The following KATNIP variants were observed in gnomAD, a reference collection of about 807,000 sequenced individuals.
KATNIP encodes the protein katanin interacting protein.
KATNIP carries 126 observed loss-of-function variants against 174.0 expected under a neutral mutation model. The ratio of observed to expected loss-of-function variants is 0.72; its 90% CI spans 0.63 to 0.84. KATNIP has a LOEUF of 0.84. Ranked by LOEUF, KATNIP falls within the 40% of genes least tolerant of loss-of-function variation. The probability of loss-of-function intolerance (pLI) is 0.00; values close to 1 mark genes in which losing one functional copy is unlikely to be tolerated. For synonymous variants in KATNIP, 810 were observed against 835.7 expected, an observed-to-expected ratio of 0.97 and a Z score of 0.53; for missense variants, 1,958 against 2,109.7, an observed-to-expected ratio of 0.93 and a Z score of 1.41.
intron 2 of KATNIP, among the ~76,000 whole-genome samples, chr16:27,610,195 G>C (rs1365659630): frequency 6.6e-6 from 1 of 152,172 alleles, no homozygotes; most frequent in Non-Finnish European, 1.5e-5. Context: ...GGCCCCCCAG[G>C]TGGCAGCAGG....
chr16:27,748,110 G>A (rs1212778393), intron 15 of KATNIP, among the ~76,000 whole-genome samples: 1 of 152,228 alleles, frequency 6.6e-6, no homozygotes, highest in Admixed American at 6.5e-5. Flanking sequence ...CCATGGCGTG[G>A]CTGTGAGAAC....
intron 3 of KATNIP, among the ~76,000 whole-genome samples, chr16:27,623,475 T>C (rs937818588): frequency 3.3e-5 from 5 of 152,138 alleles, no homozygotes. Flanking sequence ...GATTGATTGA[T>C]TGAGATGGGG....
chr16:27,665,126 GTT>G (rs747868707), intron 6 of KATNIP, among the ~76,000 whole-genome samples: 23 of 138,204 alleles, frequency 1.7e-4, no homozygotes, highest in African/African-American at 4.0e-4. Context: ...TCCGGAGGTT[GTT>G]TTTTTTTTTT....
At chr16:27,742,635 C>T (rs996834048) in intron 15 of KATNIP, among the ~76,000 whole-genome samples, 2 of 152,182 alleles carry the variant, frequency 1.3e-5, no homozygotes, top group African/African-American at 2.4e-5. Context: ...CTGTTTCCTC[C>T]TCTGTAAAAT....
At position 27,780,219 on chromosome 16, in the gene KATNIP, A is replaced by G. The variant is rs536801338; in HGVS notation, c.*1590A>G. The G allele has an allele frequency of 2.0e-5, 3 of 152,278 alleles. No individual in the cohort carries two copies. Among genetic ancestry groups the G allele is most frequent in the Admixed American group, 2.0e-4 (3 of 15,302 alleles). The allele number at this position is 152,278 out of a possible 1,614,324, so 9.4% of individuals were successfully genotyped here. Reference sequence around the variant, plus strand: ...AGGGAGATGGCACTAACACGACACAAGCTCACTCCCAGAACCGCAGCTGAT... The same window carrying G: ...AGGGAGATGGCACTAACACGACACAGGCTCACTCCCAGAACCGCAGCTGAT... On this transcript the variant is annotated 3_prime_UTR_variant, in exon 28 of 28. Coordinates refer to ENST00000261588, the MANE Select transcript of KATNIP (RefSeq NM_015202.5).
intron 14 of KATNIP, among the ~76,000 whole-genome samples, chr16:27,724,756 T>A (rs764487690): frequency 3.0e-4 from 45 of 152,182 alleles, no homozygotes; most frequent in Non-Finnish European, 5.3e-4. Context: ...TTACTGTGTG[T>A]TTTAGAGGAG....
chr16:27,761,976 AG>A (rs757298364), intron 19 of KATNIP, among the ~76,000 whole-genome samples: 20 of 152,310 alleles, frequency 1.3e-4, no homozygotes, highest in African/African-American at 4.3e-4. Context: ...GGGGGCTGAA[AG>A]CTCCCTCTCC....
chr16:27,589,742 C>T (rs1166987346), intron 2 of KATNIP, among the ~76,000 whole-genome samples: 1 of 152,048 alleles, frequency 6.6e-6, no homozygotes, highest in East Asian at 1.9e-4. Context: ...TGTATCTATT[C>T]TGCCCTTCAG....
chr16:27,628,375 G>A (rs367904387), intron 3 of KATNIP, among the ~76,000 whole-genome samples: 3 of 152,214 alleles, frequency 2.0e-5, no homozygotes, highest in Admixed American at 2.0e-4. Flanking sequence ...TGGCCAGCAC[G>A]GGGCATGAAC....
At chr16:27,665,333 G>A (rs1183102136) in intron 6 of KATNIP, among the ~76,000 whole-genome samples, 1 of 151,876 alleles carries the variant, frequency 6.6e-6, no homozygotes, top group Non-Finnish European at 1.5e-5. Flanking sequence ...TCGAACTCCT[G>A]ACCTCAAACG....
At chr16:27,656,605 A>G (rs1252188993) in intron 6 of KATNIP, among the ~76,000 whole-genome samples, 3 of 151,228 alleles carry the variant, frequency 2.0e-5, no homozygotes, top group African/African-American at 7.3e-5. Context: ...AATACTATGC[A>G]GCCATAAAAA....
At position 27,740,452 on chromosome 16, in the gene KATNIP, C is replaced by G. The variant is rs752262503; in HGVS notation, c.2155C>G (p.Pro719Ala). 1.9e-6 allele frequency: 3 copies of G among 1,614,140 alleles called. No individual in the cohort carries two copies. Among genetic ancestry groups the G allele is most frequent in the South Asian group, 2.2e-5 (2 of 91,088 alleles). Residue 719 changes from proline to alanine, a missense_variant, in exon 15 of 28, where the codon CCA (proline) becomes GCA (alanine). Around this residue, in one of 3 missense-constraint regions of KATNIP, gnomAD observed 1,557 missense variants for 1,617.8 expected, o/e 0.96. Coordinates refer to ENST00000261588, the MANE Select transcript of KATNIP (RefSeq NM_015202.5). ...CATGCCCAGTGCTCCTGCCACTTCC[C>G]CACCTGTGAAGTGCCCTCCTGTCCA... Reference protein sequence around the residue: ...GDMPSAPATSPPVKCPPVHEE... With the variant: ...GDMPSAPATSAPVKCPPVHEE...
At chr16:27,753,994 G>T (rs536638276) in intron 17 of KATNIP, among the ~76,000 whole-genome samples, 179 bp from the exon 18 acceptor site, 3 of 152,130 alleles carry the variant, frequency 2.0e-5, no homozygotes, top group African/African-American at 4.8e-5. Flanking sequence ...GGAGGGTCAG[G>T]GTCCGCCCAT....
rs145769246 is a variant in KATNIP at position 27,720,079 on chromosome 16, C to T, written c.1606-1479C>T. 9.5e-3 allele frequency among the ~76,000 whole-genome samples: 1,453 copies of T among 152,206 alleles called. 13 individuals carry two copies. Among genetic ancestry groups the T allele is most frequent in the Non-Finnish European group, 0.012 (791 of 68,016 alleles). ...AAACAAATACCTGTGTAAGCCAGAC[C>T]CAGCTTACAGTCTCTTCTCTGTTTG... On this transcript the variant is annotated intron_variant, in intron 13 of 27. Coordinates refer to ENST00000261588, the MANE Select transcript of KATNIP (RefSeq NM_015202.5).
At chr16:27,631,354 A>G in intron 5 of KATNIP, 192 bp downstream of exon 5, 1 of 549,700 alleles carries the variant, frequency 1.8e-6, no homozygotes, top group Non-Finnish European at 3.3e-6. Flanking sequence ...AGCTTGGGCA[A>G]CAAAGTGAGA....
At chr16:27,768,836 C>T (rs2082205615) in intron 20 of KATNIP, among the ~76,000 whole-genome samples, 1 of 152,210 alleles carries the variant, frequency 6.6e-6, no homozygotes, top group Admixed American at 6.5e-5. Flanking sequence ...ACCCTTCCTC[C>T]CTTCCTTTCT....
intron 2 of KATNIP, among the ~76,000 whole-genome samples, chr16:27,612,379 T>C (rs2075915629): frequency 6.6e-6 from 1 of 151,986 alleles, no homozygotes; most frequent in Admixed American, 6.6e-5. Context: ...GGGGGTGTTG[T>C]GAATGGTGGG....
intron 1 of KATNIP, among the ~76,000 whole-genome samples, chr16:27,560,540 GC>G (rs927702058): frequency 6.6e-6 from 1 of 152,134 alleles, no homozygotes; most frequent in African/African-American, 2.4e-5. Context: ...TTCAATGCCA[GC>G]CCGAGACACT....
In KATNIP at chr16:27,769,857, C is replaced by T. The variant is rs1350192143; in HGVS notation, c.3976-4C>T. 10 of 1,612,180 alleles carry T rather than the reference C, an allele frequency of 6.2e-6. No individual in the cohort carries two copies. Among genetic ancestry groups the T allele is most frequent in the Admixed American group, 3.3e-5 (2 of 60,004 alleles). ...TCAGTCATGTTATTTCTTTTGTTTG[C>T]CAGGCCAAGATTGTCCACGTCTCCC... On this transcript the variant is annotated splice_region_variant and splice_polypyrimidine_tract_variant and intron_variant, in intron 20 of 27. Transcript: ENST00000261588.
Sources: allele counts gnomAD v4.1 joint callset (sites outside exome capture counted in the v4.1 genomes callset), GRCh38; gene constraint gnomAD v4.1.1; regional missense constraint gnomAD v4.1.1; transcripts MANE v1.5; gene names NCBI Gene and HGNC (gene_info 2026-07-23, HGNC 2026-07-21).